Variants in SNTG2 observed in about 807,000 individuals in gnomAD.
The protein encoded by SNTG2 is gamma-2-syntrophin.
Under a neutral mutation model 70.9 loss-of-function variants are expected in SNTG2, and 74 were observed. The ratio of observed to expected loss-of-function variants is 1.04; its 90% confidence interval spans 0.86 to 1.27. The LOEUF is 1.27. Among genes scored for constraint, SNTG2 ranks in the 50% most tolerant of loss-of-function variants. The pLI is 0.00. For synonymous variants in SNTG2, 278 were observed against 273.8 expected, an observed-to-expected ratio of 1.02 and a Z score of -0.15; for missense variants, 717 against 690.7, an observed-to-expected ratio of 1.04 and a Z score of -0.43.
chr2:1,079,936 C>G (rs1010820244), intron 1 of SNTG2, among the ~76,000 whole-genome samples: 1 of 152,250 alleles, frequency 6.6e-6, no homozygotes, highest in Non-Finnish European at 1.5e-5. Flanking sequence ...GGCGGCTGCA[C>G]TACCTGAGCT....
intron 1 of SNTG2, among the ~76,000 whole-genome samples, chr2:1,021,143 G>A (rs185470067): frequency 2.5e-4 from 38 of 152,298 alleles, no homozygotes; most frequent in Middle Eastern, 6.8e-3. Flanking sequence ...ATCAAGCCAT[G>A]TTTGTCTCTT....
intron 11 of SNTG2, among the ~76,000 whole-genome samples, chr2:1,241,447 C>T (rs67597942): frequency 0.22 from 33,769 of 152,056 alleles, 5,975 homozygotes; most frequent in African/African-American, 0.49. Flanking sequence ...AGCACTGCTC[C>T]GGAGAGGAAA....
intron 4 of SNTG2, among the ~76,000 whole-genome samples, chr2:1,134,987 C>G (rs1049968794): frequency 3.9e-5 from 6 of 152,182 alleles, no homozygotes; most frequent in Non-Finnish European, 7.3e-5. Context: ...CTCATTGAGA[C>G]AGACGCTGGG....
intron 1 of SNTG2, among the ~76,000 whole-genome samples, chr2:1,021,076 T>C (rs1285312528): frequency 1.3e-5 from 2 of 152,114 alleles, no homozygotes; most frequent in South Asian, 2.1e-4. Flanking sequence ...TAATTCTCTC[T>C]TGAATCGCCA....
At chr2:1,110,428 C>T (rs1357165418) in intron 4 of SNTG2, among the ~76,000 whole-genome samples, 2 of 152,214 alleles carry the variant, frequency 1.3e-5, no homozygotes, top group Non-Finnish European at 2.9e-5. Flanking sequence ...AAATTTATTT[C>T]ACCTGTTCTG....
At chr2:1,168,321 C>T (rs1161652376) in intron 7 of SNTG2, among the ~76,000 whole-genome samples, 10 of 151,858 alleles carry the variant, frequency 6.6e-5, no homozygotes, top group South Asian at 2.1e-4. Context: ...GCCTACAGGC[C>T]GCCCACAGAC....
At chr2:1,355,966 T>C (rs1295885221) in intron 16 of SNTG2, among the ~76,000 whole-genome samples, 1 of 152,370 alleles carries the variant, frequency 6.6e-6, no homozygotes, top group Non-Finnish European at 1.5e-5. Flanking sequence ...TTTTCATGTT[T>C]GCTGGCCACT....
intron 1 of SNTG2, among the ~76,000 whole-genome samples, chr2:1,078,904 G>A (rs1456979624): frequency 1.3e-5 from 2 of 152,222 alleles, no homozygotes; most frequent in Non-Finnish European, 2.9e-5. Context: ...ACAGCAGGGT[G>A]ATGCCGTTGC....
At chr2:1,288,005 C>G (rs1373686645) in intron 14 of SNTG2, among the ~76,000 whole-genome samples, 3 of 151,916 alleles carry the variant, frequency 2.0e-5, no homozygotes, top group Non-Finnish European at 4.4e-5. Flanking sequence ...CACCTGGAAC[C>G]TCGGACAAGT....
chr2:1,049,891 CAT>C (rs2148075855), intron 1 of SNTG2, among the ~76,000 whole-genome samples: 1 of 152,310 alleles, frequency 6.6e-6, no homozygotes, highest in East Asian at 1.9e-4. Context: ...TCTCCAGTGA[CAT>C]GTTATTGAAT....
At chr2:1,312,550 G>A (rs1681053829) in intron 15 of SNTG2, among the ~76,000 whole-genome samples, 1 of 152,234 alleles carries the variant, frequency 6.6e-6, no homozygotes. Context: ...ATCCCAGGAT[G>A]GAGCCTGGCC....
chr2:1,046,886 A>G (rs1425626070), intron 1 of SNTG2, among the ~76,000 whole-genome samples: 1 of 152,068 alleles, frequency 6.6e-6, no homozygotes, highest in Admixed American at 6.5e-5. Flanking sequence ...TGAATTTCCT[A>G]AATTTGAACG....
At chr2:973,538 A>T in intron 1 of SNTG2, among the ~76,000 whole-genome samples, 1 of 128,442 alleles carries the variant, frequency 7.8e-6, no homozygotes, top group South Asian at 2.2e-4. Flanking sequence ...GTATATATAT[A>T]TATTTTTTTT....
At chr2:1,319,984 C>T (rs908515896) in intron 16 of SNTG2, among the ~76,000 whole-genome samples, 2 of 152,168 alleles carry the variant, frequency 1.3e-5, no homozygotes, top group African/African-American at 4.8e-5. Context: ...ATTTTATTAT[C>T]TCAATACATC....
At position 1,221,903 on chromosome 2, in the gene SNTG2, GTCTCTGTCTCTGTCTC is replaced by G. The variant is rs1675007462; in HGVS notation, c.719+12685_719+12700del. Among the ~76,000 whole-genome samples, 22 of 9,740 alleles carry G rather than the reference GTCTCTGTCTCTGTCTC, an allele frequency of 2.3e-3. 5 individuals are homozygous for G. Among genetic ancestry groups the G allele is most frequent in the African/African-American group, 0.015 (14 of 912 alleles). The allele number at this position is 9,740 out of a possible 152,430, so 6.4% of individuals were successfully genotyped here. A position where few individuals can be genotyped will look rare whatever the true frequency, so the allele number is the denominator to read the frequency against. On this transcript the variant is annotated intron_variant, in intron 9 of 16. Coordinates refer to ENST00000308624, the MANE Select transcript of SNTG2 (RefSeq NM_018968.4). ...TCTGTCTCTGTCTGTGTCTCTCTCT[GTCTCTGTCTCTGTCTC>G]TCTCTGTCTCTCTCTGTCTCTGTCT...
At chr2:1,021,687 CCACCTCCTGG>C (rs971096795) in intron 1 of SNTG2, among the ~76,000 whole-genome samples, 2 of 151,878 alleles carry the variant, frequency 1.3e-5, no homozygotes, top group Non-Finnish European at 2.9e-5. Context: ...ATTGCAGCCT[CCACCTCCTGG>C]CACCTCCTGG....
intron 1 of SNTG2, among the ~76,000 whole-genome samples, chr2:1,030,782 CTG>C (rs150584345): frequency 0.026 from 3,950 of 152,290 alleles, 177 homozygotes; most frequent in African/African-American, 0.089. Context: ...TACCATAAAA[CTG>C]TGCATTTACT....
intron 1 of SNTG2, among the ~76,000 whole-genome samples, chr2:1,031,528 A>ATATAT: frequency 5.1e-5 from 3 of 59,122 alleles, no homozygotes; most frequent in African/African-American, 2.5e-4. Flanking sequence ...ATATATATAT[A>ATATAT]TTTTTTTTTT....
intron 1 of SNTG2, among the ~76,000 whole-genome samples, chr2:1,049,740 A>T (rs114170246): frequency 0.013 from 1,970 of 152,312 alleles, 16 homozygotes; most frequent in Non-Finnish European, 0.018. Context: ...ACATGGCTGT[A>T]CCATTTTGCA....
Sources: gnomAD v4.1 joint callset for allele counts (sites outside exome capture counted in the v4.1 genomes callset) on GRCh38, gnomAD v4.1.1 for gene constraint, MANE v1.5 for transcripts, NCBI Gene and HGNC (gene_info 2026-07-23, HGNC 2026-07-21) for gene names.